PCDHGA4: variants seen among roughly 807,000 people sequenced by gnomAD.
PCDHGA4 encodes protocadherin gamma subfamily A, 4, also known as protocadherin gamma-A4.
Under a neutral mutation model 54.6 loss-of-function variants are expected in PCDHGA4, and 38 were observed. That is an observed-to-expected ratio of 0.70 (90% CI 0.54 to 0.91). The LOEUF is 0.91. Among genes scored for constraint, PCDHGA4 ranks in the 40% least tolerant of loss-of-function variants. The probability of loss-of-function intolerance (pLI) is 0.00; values close to 1 mark genes in which losing one functional copy is unlikely to be tolerated. For synonymous variants in PCDHGA4, 511 were observed against 512.9 expected (o/e 1.00, Z 0.05); for missense variants, 1,298 against 1,220.9 (o/e 1.06, Z -0.94).
intron 1 of PCDHGA4, chr5:141,394,043 G>C (rs1431547996): frequency 6.2e-7 from 1 of 1,613,576 alleles, no homozygotes; most frequent in South Asian, 1.1e-5. Context: ...GGAAATATTT[G>C]GACCGAGAAA....
intron 1 of PCDHGA4, chr5:141,422,123 C>A: frequency 6.2e-7 from 1 of 1,601,290 alleles, no homozygotes; most frequent in South Asian, 1.1e-5. Context: ...GATTCACAAA[C>A]TGGAGAAGTT....
At chr5:141,418,894 A>G (rs200182481) in intron 1 of PCDHGA4, 2 of 1,614,004 alleles carry the variant, frequency 1.2e-6, no homozygotes, top group East Asian at 4.5e-5. Context: ...ACAACAGCCC[A>G]GAAATAATCA....
chr5:141,490,896 G>C lies in PCDHGA4; in HGVS notation c.2515-3911G>C. The stretch of plus-strand genomic sequence containing the variant: ...TGCATGCCAACACATCTCTGCATGT[G>C]TTTGTCCTAGACGAGAATGATAATG... On this transcript the variant is annotated intron_variant, in intron 1 of 3. Coordinates refer to ENST00000571252, the MANE Select transcript of PCDHGA4 (RefSeq NM_018917.4). This position sits in a 1 kb window ranked among gnomAD's most constrained non-coding sequence, Gnocchi z 5.4. 2.5e-6 allele frequency: 4 copies of C among 1,613,938 alleles called. No homozygotes were observed. The highest frequency in any genetic ancestry group is 3.4e-6 in the Non-Finnish European group (4 of 1,179,922).
intron 1 of PCDHGA4, chr5:141,421,720 G>T: frequency 6.2e-7 from 1 of 1,613,906 alleles, no homozygotes. Context: ...AGATGTGGGC[G>T]TGAACTCCCT....
intron 1 of PCDHGA4, among the ~76,000 whole-genome samples, chr5:141,475,556 T>A (rs1420756007): frequency 6.6e-6 from 1 of 152,248 alleles, no homozygotes; most frequent in Non-Finnish European, 1.5e-5. Context: ...CGGCTAATTG[T>A]CTGTCTTCCA....
At chr5:141,434,193 T>G (rs2097677103) in intron 1 of PCDHGA4, among the ~76,000 whole-genome samples, 1 of 152,246 alleles carries the variant, frequency 6.6e-6, no homozygotes, top group South Asian at 2.1e-4. Flanking sequence ...GTAATTCCAA[T>G]GTACTTACTT....
chr5:141,402,807 T>G, intron 1 of PCDHGA4: 2 of 1,165,464 alleles, frequency 1.7e-6, no homozygotes, highest in Non-Finnish European at 2.3e-6. Flanking sequence ...ACCCGGCAGA[T>G]ACCACAAACC....
At chr5:141,478,236 TCA>T in intron 1 of PCDHGA4, 3 of 1,614,156 alleles carry the variant, frequency 1.9e-6, no homozygotes, top group Non-Finnish European at 2.5e-6. Flanking sequence ...GGGTTTGTGG[TCA>T]CAGTGTTCGG....
At position 141,486,881 on chromosome 5, in the gene PCDHGA4, G is replaced by T. The variant is rs114512641; in HGVS notation, c.2515-7926G>T. The T allele has an allele frequency of 1.3e-5, 21 of 1,614,090 alleles. No homozygotes were observed. The East Asian group carries it at 4.7e-4, about 36-fold the overall frequency. ...TGCTCCAGCTGTGCTCCGTCCTCGG[G>T]CCCGGCCTGGTTCCTTATGTCCCCA... is the stretch of plus-strand genomic sequence containing the variant. On this transcript the variant is annotated intron_variant, in intron 1 of 3. Coordinates refer to ENST00000571252, the MANE Select transcript of PCDHGA4 (RefSeq NM_018917.4). This position sits in a 1 kb window ranked among gnomAD's most constrained non-coding sequence, Gnocchi z 5.0.
chr5:141,355,267 C>G lies in PCDHGA4; in HGVS notation c.160C>G (p.Leu54Val), dbSNP rs1302079663. The G allele has an allele frequency of 6.2e-7, 1 of 1,613,540 alleles. No homozygotes were observed. Among genetic ancestry groups the G allele is most frequent in the African/African-American group, 1.3e-5 (1 of 74,948 alleles). ...CCAGATCTGCCTTCTCCTGGGGGTT[C>G]TGGTGGAAATCAGGGCCGAACAGAT... is the stretch of plus-strand genomic sequence containing the variant. ...LLQICLLLGV[L>V]VEIRAEQILY... The change falls in exon 1 of 4, where the codon CTG becomes GTG. Residue 54 changes from leucine (L) to valine (V), a missense_variant. Transcript: ENST00000571252.
intron 1 of PCDHGA4, chr5:141,383,858 A>T: frequency 6.2e-7 from 1 of 1,613,996 alleles, no homozygotes. Flanking sequence ...ATGGAGGTTC[A>T]GGCTCAAGAT....
chr5:141,443,136 C>T (rs910953831), intron 1 of PCDHGA4, among the ~76,000 whole-genome samples: 1 of 152,160 alleles, frequency 6.6e-6, no homozygotes, highest in African/African-American at 2.4e-5. Context: ...AGAACACTAT[C>T]ATAAGTTATA....
intron 1 of PCDHGA4, chr5:141,382,975 G>A (rs1459980689): frequency 6.2e-7 from 1 of 1,610,700 alleles, no homozygotes. Flanking sequence ...CCCCTGGGAA[G>A]CCTGGGCAGG....
At chr5:141,419,939 G>T in intron 1 of PCDHGA4, 1 of 1,614,054 alleles carries the variant, frequency 6.2e-7, no homozygotes. Flanking sequence ...TTACCTGGTG[G>T]TGGCCTTGGC....
intron 1 of PCDHGA4, among the ~76,000 whole-genome samples, chr5:141,402,239 T>A (rs1361940803): frequency 6.6e-6 from 1 of 152,066 alleles, no homozygotes; most frequent in African/African-American, 2.4e-5. Flanking sequence ...AGGAATTTTA[T>A]CATCAAAATA....
chr5:141,360,481 A>G, intron 1 of PCDHGA4: 1 of 1,613,874 alleles, frequency 6.2e-7, no homozygotes. Flanking sequence ...TCCACTAAAT[A>G]TTTTCTACAT....
Position 141,490,731 on chromosome 5 carries a change from G to A in PCDHGA4, c.2515-4076G>A, listed in dbSNP as rs139283997. The A allele has an allele frequency of 6.8e-6, 11 of 1,614,080 alleles. No homozygotes were observed. In the African/African-American group the frequency reaches 1.1e-4, roughly 16 times the overall value. Reference sequence around the variant, plus strand: ...TCACCTACTCCATTGTAGGAAATCAGGTTCAGGGAGCCCCAGCCTCCTCCT... The same window carrying A: ...TCACCTACTCCATTGTAGGAAATCAAGTTCAGGGAGCCCCAGCCTCCTCCT... On this transcript the variant is annotated intron_variant, in intron 1 of 3. Transcript: ENST00000571252. The surrounding 1 kb of genome is among the most constrained non-coding windows in gnomAD (Gnocchi z 5.4).
chr5:141,421,019 C>T, intron 1 of PCDHGA4: 1 of 516,402 alleles, frequency 1.9e-6, no homozygotes, highest in Non-Finnish European at 3.4e-6. Flanking sequence ...TGGGAAGCTG[C>T]GCGCCATTGA....
At chr5:141,393,721 T>C (rs769235037) in intron 1 of PCDHGA4, 26 of 1,613,752 alleles carry the variant, frequency 1.6e-5, no homozygotes, top group African/African-American at 8.0e-5. Context: ...GAAATATCAA[T>C]AGCAAAAAGT....
Sources: gnomAD v4.1 joint callset for allele counts (sites outside exome capture counted in the v4.1 genomes callset) on GRCh38, gnomAD v4.1.1 for gene constraint, Gnocchi (gnomAD v3.1) non-coding constraint, MANE v1.5 for transcripts, NCBI Gene and HGNC (gene_info 2026-07-23, HGNC 2026-07-21) for gene names.